Variants in AFF2 observed in about 807,000 individuals in gnomAD.
AFF2 encodes the protein AF4/FMR2 family member 2.
AFF2 carries 14 observed loss-of-function variants against 76.9 expected under a neutral mutation model. The observed-to-expected ratio is 0.18, with a 90% CI of 0.12 to 0.28. The LOEUF (loss-of-function observed/expected upper bound fraction) is 0.28. AFF2 is among the 10% of genes least tolerant of loss of function. AFF2 has a pLI of 1.00. For missense variants in AFF2, 868 were observed against 1,001.1 expected (o/e 0.87, Z 1.79); for synonymous variants, 398 against 366.7 (o/e 1.09, Z -0.98).
At chrX:148,515,262 G>A (rs1164706781) in intron 1 of AFF2, among the ~76,000 whole-genome samples, 6 of 111,851 alleles carry the variant, frequency 5.4e-5, no homozygotes, top group South Asian at 3.7e-4. Flanking sequence ...CAAAACTGTC[G>A]TTGCTAATGT....
intron 3 of AFF2, among the ~76,000 whole-genome samples, chrX:148,750,162 AT>A (rs2055479553): frequency 9.3e-6 from 1 of 107,962 alleles, no homozygotes; most frequent in South Asian, 4.1e-4. Flanking sequence ...TAGAGACGGC[AT>A]TTCACCATGT....
At chrX:148,913,624 A>G (rs1434832994) in intron 9 of AFF2, among the ~76,000 whole-genome samples, 2 of 112,147 alleles carry the variant, frequency 1.8e-5, no homozygotes, top group Non-Finnish European at 3.8e-5. Context: ...ATGGACCTCA[A>G]CTAAGCCAGC....
chrX:148,827,815 A>G (rs1426609145), intron 4 of AFF2, among the ~76,000 whole-genome samples: 1 of 112,063 alleles, frequency 8.9e-6, no homozygotes, highest in Non-Finnish European at 1.9e-5. Context: ...CCTTGCAAGG[A>G]GTAGACACTC....
At chrX:148,676,442 T>G (rs782378169) in intron 3 of AFF2, among the ~76,000 whole-genome samples, 1 of 111,955 alleles carries the variant, frequency 8.9e-6, no homozygotes, top group African/African-American at 3.2e-5. Context: ...ATTCATTCAT[T>G]TACCGAATTT....
At chrX:148,616,552 GACA>G (rs1423167834) in intron 1 of AFF2, among the ~76,000 whole-genome samples, 1 of 109,103 alleles carries the variant, frequency 9.2e-6, no homozygotes, top group Non-Finnish European at 1.9e-5. Flanking sequence ...AAAATAAAAG[GACA>G]ACATTTTCTT....
rs188008893 is a variant in AFF2, at chrX:148,578,637, T to C, written c.48-73362T>C. On this transcript the variant is annotated intron_variant, in intron 1 of 20. Coordinates refer to ENST00000370460, the MANE Select transcript of AFF2 (RefSeq NM_002025.4). ...GCAATGTTGGTTCCATGTTAAAGGT[T>C]GTTAGGCTGCTTCATTTTCTTACTG... 4.3e-3 allele frequency among the ~76,000 whole-genome samples: 478 copies of C among 112,220 alleles called. 4 individuals carry two copies. Among genetic ancestry groups the C allele is most frequent in the African/African-American group, 0.014 (444 of 30,927 alleles).
chrX:148,622,555 G>A (rs1156898911), intron 1 of AFF2, among the ~76,000 whole-genome samples: 1 of 111,485 alleles, frequency 9.0e-6, no homozygotes, highest in Non-Finnish European at 1.9e-5. Flanking sequence ...AACTGGTTTT[G>A]ACCAGCTGAC....
At chrX:148,623,676 A>C (rs1474317153) in intron 1 of AFF2, among the ~76,000 whole-genome samples, 2 of 109,431 alleles carry the variant, frequency 1.8e-5, no homozygotes, top group African/African-American at 3.3e-5. Context: ...AAGAAGAGTT[A>C]TGTTAATAAA....
intron 1 of AFF2, among the ~76,000 whole-genome samples, chrX:148,599,359 A>G (rs1321647803): frequency 8.9e-6 from 1 of 112,158 alleles, no homozygotes; most frequent in Non-Finnish European, 1.9e-5. Flanking sequence ...TTGGTAAGTG[A>G]AGAGCTGTCT....
intron 1 of AFF2, among the ~76,000 whole-genome samples, chrX:148,604,830 C>A (rs188900346): frequency 9.0e-6 from 1 of 111,041 alleles, no homozygotes; most frequent in Non-Finnish European, 1.9e-5. Context: ...GAGAGCAGAA[C>A]AATAGAGCAA....
chrX:148,874,009 C>A (rs2071007748), intron 7 of AFF2, among the ~76,000 whole-genome samples: 1 of 111,638 alleles, frequency 9.0e-6, no homozygotes, highest in African/African-American at 3.3e-5. Context: ...CTGATTCTAT[C>A]TAGACAGCTA....
rs1045087355 is a variant in AFF2, at chrX:148,869,218, G to A, written c.1263-16671G>A. Among the ~76,000 whole-genome samples the A allele has an allele frequency of 3.6e-5, 4 of 111,455 alleles. No homozygotes were observed. In the Admixed American group the frequency reaches 3.8e-4, roughly 11 times the overall value. ...AGGTTGCCCAGGGATGGAGGGTGGAGGGGATAGAGGGATTGGGAGAATGAT... is the reference window on the plus strand; with the variant it reads ...AGGTTGCCCAGGGATGGAGGGTGGAAGGGATAGAGGGATTGGGAGAATGAT... On this transcript the variant is annotated intron_variant, in intron 7 of 20. Coordinates refer to ENST00000370460, the MANE Select transcript of AFF2 (RefSeq NM_002025.4).
chrX:148,920,458 A>G (rs914507006), intron 9 of AFF2, among the ~76,000 whole-genome samples: 1 of 111,946 alleles, frequency 8.9e-6, no homozygotes, highest in Non-Finnish European at 1.9e-5. Context: ...AAGTACTCAG[A>G]TGGTAAAAGC....
Position 148,983,951 on chromosome X carries a change from G to GAAAAAAAAAAAAAAA in AFF2, c.3623+3162_3623+3163insAAAAAAAAAAAAAAA, listed in dbSNP as rs1569558020. 1.1e-3 allele frequency among the ~76,000 whole-genome samples: 3 copies of GAAAAAAAAAAAAAAA among 2,853 alleles called. No individual in the cohort carries two copies. In the Non-Finnish European group the frequency reaches 0.038, roughly 36 times the overall value. 2.5% of individuals were successfully genotyped at this position (2,853 alleles called of 115,157 possible). A position where few individuals can be genotyped will look rare whatever the true frequency, so the allele number is the denominator to read the frequency against. ...CTGAAGTATGGCACAGAGTGAAATA[G>GAAAAAAAAAAAAAAA]ACAAAAAAAAAAAAAAACTGCCCTC... On this transcript the variant is annotated intron_variant, in intron 19 of 20. Transcript: ENST00000370460.
intron 12 of AFF2, among the ~76,000 whole-genome samples, chrX:148,959,398 A>G (rs1211417650): frequency 1.8e-5 from 2 of 112,569 alleles, no homozygotes; most frequent in Non-Finnish European, 3.7e-5. Context: ...CCCAGAGCAG[A>G]GAGGCAATCT....
At chrX:148,672,160 G>A (rs2054431513) in intron 3 of AFF2, among the ~76,000 whole-genome samples, 1 of 112,126 alleles carries the variant, frequency 8.9e-6, no homozygotes, top group African/African-American at 3.2e-5. Context: ...ATCTCTTTAT[G>A]GGAGTTGTAA....
At chrX:148,587,541 A>G (rs2053480402) in intron 1 of AFF2, among the ~76,000 whole-genome samples, 1 of 112,347 alleles carries the variant, frequency 8.9e-6, no homozygotes, top group Non-Finnish European at 1.9e-5. Context: ...GAGCACACCA[A>G]TGCATAACTG....
At chrX:148,909,234 G>A (rs1320766164) in intron 9 of AFF2, among the ~76,000 whole-genome samples, 2 of 111,978 alleles carry the variant, frequency 1.8e-5, no homozygotes, top group South Asian at 7.5e-4. Flanking sequence ...CATTGACAGG[G>A]CATTGATGCC....
At chrX:148,971,747 C>CTTTTTTTTTTTTTTTTTTTTTTAT (rs2072258647) in intron 15 of AFF2, among the ~76,000 whole-genome samples, 2 of 44,731 alleles carry the variant, frequency 4.5e-5, no homozygotes, top group African/African-American at 9.5e-5. Context: ...TTTTCTATTT[C>CTTTTTTTTTTTTTTTTTTTTTTAT]TTTTTTTTTT....
Sources: gnomAD v4.1 joint callset for allele counts (sites outside exome capture counted in the v4.1 genomes callset) on GRCh38, gnomAD v4.1.1 for gene constraint, MANE v1.5 for transcripts, NCBI Gene and HGNC (gene_info 2026-07-23, HGNC 2026-07-21) for gene names.